Variants in RTTN observed in about 807,000 individuals in gnomAD.
The protein encoded by RTTN is rotatin.
In RTTN, 182 loss-of-function variants were observed where a neutral mutation model predicts 269.2. The ratio of observed to expected loss-of-function variants is 0.68; its 90% confidence interval spans 0.60 to 0.76. The LOEUF (loss-of-function observed/expected upper bound fraction) is 0.76. Ranked by LOEUF, RTTN falls within the 30% of genes least tolerant of loss-of-function variation. The pLI is 0.00. For missense variants in RTTN, 2,545 were observed against 2,608.6 expected (o/e 0.98, Z 0.53); for synonymous variants, 1,006 against 963.5 (o/e 1.04, Z -0.82).
At chr18:70,014,658 C>T (rs1346183785) in intron 46 of RTTN, among the ~76,000 whole-genome samples, 1 of 152,118 alleles carries the variant, frequency 6.6e-6, no homozygotes, top group Admixed American at 6.5e-5. Flanking sequence ...CTGTAGTACC[C>T]ATTCTCACAT....
intron 17 of RTTN, among the ~76,000 whole-genome samples, chr18:70,146,384 G>A (rs1412086458): frequency 6.6e-6 from 1 of 152,122 alleles, no homozygotes; most frequent in African/African-American, 2.4e-5. Flanking sequence ...ACTAAACAAT[G>A]AAATAGAGAA....
At chr18:70,054,820 A>G (rs2057771211) in intron 37 of RTTN, among the ~76,000 whole-genome samples, 1 of 152,164 alleles carries the variant, frequency 6.6e-6, no homozygotes, top group Admixed American at 6.5e-5. Context: ...CCCTGTTTCA[A>G]AAGAAAAAAA....
At chr18:70,202,028 C>G (rs2061966181) in intron 3 of RTTN, 45 bp from the exon 4 acceptor site, 1 of 1,106,268 alleles carries the variant, frequency 9.0e-7, no homozygotes, top group African/African-American at 1.6e-5. Flanking sequence ...TCCTTATTTG[C>G]TAAAAGTGAA....
At chr18:70,165,048 C>G (rs1187555719) in intron 14 of RTTN, among the ~76,000 whole-genome samples, 1 of 152,094 alleles carries the variant, frequency 6.6e-6, no homozygotes, top group African/African-American at 2.4e-5. Context: ...ATTTTATATG[C>G]AGCCAAATTA....
intron 4 of RTTN, among the ~76,000 whole-genome samples, chr18:70,199,796 T>C (rs2061903815): frequency 6.6e-6 from 1 of 152,254 alleles, no homozygotes; most frequent in African/African-American, 2.4e-5. Flanking sequence ...CATTAAATTT[T>C]CTATTTTACC....
intron 25 of RTTN, among the ~76,000 whole-genome samples, chr18:70,124,499 T>C (rs958981484): frequency 9.9e-5 from 15 of 151,540 alleles, no homozygotes; most frequent in African/African-American, 2.9e-4. Context: ...CAAGGAAGAG[T>C]AGATATTCAC....
In RTTN at chr18:70,092,191, C is replaced by T. The variant is rs377185620; in HGVS notation, c.4062G>A (p.Leu1354=). 7 of 1,612,354 alleles carry T rather than the reference C, an allele frequency of 4.3e-6. No individual in the cohort carries two copies. In the Middle Eastern group the frequency reaches 8.2e-4, roughly 190 times the overall value. ...LEWMSLWFLP[L]GSHSEEHIPT... is the part of the protein sequence containing the mutation. ...GAATATGTTCTTCACTATGACTACC[C>T]AAAGGCAAGAACCAAAGTGACATCC... Residue 1354 remains leucine, a synonymous_variant, in exon 30 of 49, where the codon TTG becomes TTA. Coordinates refer to ENST00000640769, the MANE Select transcript of RTTN (RefSeq NM_173630.4).
chr18:70,097,283 C>T (rs1459346068), intron 28 of RTTN, among the ~76,000 whole-genome samples: 3 of 152,162 alleles, frequency 2.0e-5, no homozygotes, highest in Non-Finnish European at 4.4e-5. Context: ...AGAAATATGG[C>T]TCCCTTCCAA....
intron 32 of RTTN, among the ~76,000 whole-genome samples, chr18:70,080,928 T>TCTCACACACA (rs1491280568): frequency 2.0e-5 from 3 of 146,798 alleles, no homozygotes; most frequent in African/African-American, 7.7e-5. Context: ...GTGTGTGGTA[T>TCTCACACACA]CACACACACA....
At chr18:70,106,287 G>A (rs2059319136) in intron 28 of RTTN, among the ~76,000 whole-genome samples, 1 of 152,194 alleles carries the variant, frequency 6.6e-6, no homozygotes, top group Non-Finnish European at 1.5e-5. Flanking sequence ...TGAGGCTGTA[G>A]TGAGCTGTGA....
chr18:70,196,512 G>A lies in RTTN; in HGVS notation c.830C>T (p.Ser277Phe). 6.2e-7 allele frequency: 1 copy of A among 1,609,528 alleles called. No homozygotes were observed. Among genetic ancestry groups the A allele is most frequent in the Non-Finnish European group, 8.5e-7 (1 of 1,178,836 alleles). ...LNFHRDPGFF[S>F]NKHDTVSQNS... The stretch of plus-strand genomic sequence containing the variant: ...ATAAAAATAAATACCGTGTTTATTG[G>A]AGAAAAAACCTGGATCTCGGTGAAA... Residue 277 changes from serine to phenylalanine, a missense_variant, in exon 7 of 49, where the codon TCC (serine) becomes TTC (phenylalanine). Ser to Phe is a radical substitution (Grantham distance 155). Coordinates refer to ENST00000640769, the MANE Select transcript of RTTN (RefSeq NM_173630.4).
intron 44 of RTTN, among the ~76,000 whole-genome samples, chr18:70,022,519 C>T (rs759129249): frequency 1.3e-5 from 2 of 152,194 alleles, no homozygotes; most frequent in Non-Finnish European, 2.9e-5. Context: ...TTTGACTCCA[C>T]ATCTGTCTCT....
intron 40 of RTTN, among the ~76,000 whole-genome samples, chr18:70,033,112 G>A (rs570030927): frequency 6.6e-6 from 1 of 152,142 alleles, no homozygotes; most frequent in African/African-American, 2.4e-5. Context: ...CAGAGTTCTC[G>A]TGAGATCTGG....
intron 34 of RTTN, among the ~76,000 whole-genome samples, chr18:70,069,690 T>G (rs2058244067): frequency 6.6e-6 from 1 of 152,192 alleles, no homozygotes; most frequent in Admixed American, 6.5e-5. Context: ...AATTCAGAAC[T>G]TGAATATTGT....
Position 70,142,336 on chromosome 18 carries a change from G to C in RTTN, c.2533C>G (p.Leu845Val). 1 of 1,604,618 alleles carries C rather than the reference G, an allele frequency of 6.2e-7. No homozygotes were observed. Among genetic ancestry groups the C allele is most frequent in the Non-Finnish European group, 8.5e-7 (1 of 1,176,936 alleles). ...YEIFTSDDVD[L>V]VLRKSAAEQL... ...TCAGCAGCTGACTTTCTCAAAACGA[G>C]ATCAACATCATCTGAGGTGAAGATT... The change falls in exon 19 of 49, where the codon CTC (leucine) becomes GTC (valine). Residue 845 changes from leucine (L) to valine (V), a missense_variant. Coordinates refer to ENST00000640769, the MANE Select transcript of RTTN (RefSeq NM_173630.4).
rs1172845431 is a variant in RTTN, at chr18:70,199,425, G to A, written c.567C>T (p.Ser189=). The A allele has an allele frequency of 1.2e-5, 19 of 1,608,772 alleles. No homozygotes were observed. Among genetic ancestry groups the A allele is most frequent in the Non-Finnish European group, 1.4e-5 (17 of 1,175,384 alleles). The change falls in exon 5 of 49, where the codon TCC becomes TCT. Residue 189 remains serine, a synonymous_variant. Coordinates refer to ENST00000640769, the MANE Select transcript of RTTN (RefSeq NM_173630.4). ...ATCAAGCACCGTACCTTTCATTAGA[G>A]GAGAGGACATGTCTGTCTGTGGTGG... ...PLTTTDRHVL[S]SNESSLRSSN...
chr18:70,024,977 G>A (rs2145555300), intron 43 of RTTN, 129 bp from the exon 44 acceptor site: 2 of 1,018,520 alleles, frequency 2.0e-6, no homozygotes, highest in Non-Finnish European at 2.8e-6. Flanking sequence ...TCAGCATCCT[G>A]CCCCAGCCCC....
rs780919672 is a variant in RTTN, at chr18:70,073,941, G to C, written c.4618C>G (p.Arg1540Gly). 1 of 1,611,598 alleles carries C rather than the reference G, an allele frequency of 6.2e-7. No individual in the cohort carries two copies. The highest frequency in any genetic ancestry group is 1.3e-5 in the African/African-American group (1 of 74,766). ...GAGGTGGAGAGAGAACTTGGATCTCGATCCTGACTTGTCCTAGATGGAGCC... is the reference window on the plus strand; with the variant it reads ...GAGGTGGAGAGAGAACTTGGATCTCCATCCTGACTTGTCCTAGATGGAGCC... ...WRAPSRTSQD[R>G]DPSSLSTSET... is the part of the protein sequence containing the mutation. Residue 1540 changes from arginine to glycine, a missense_variant, in exon 34 of 49, where the codon CGA becomes GGA. By Grantham distance (125) the Arg-to-Gly change is moderately radical (BLOSUM62 -2). Coordinates refer to ENST00000640769, the MANE Select transcript of RTTN (RefSeq NM_173630.4).
At position 70,004,018 on chromosome 18, in the gene RTTN, A is replaced by T; in HGVS notation, c.*133T>A. On this transcript the variant is annotated 3_prime_UTR_variant, in exon 49 of 49. Transcript: ENST00000640769. ...TGGAGTATCACCAGTTCTCTCTCTC[A>T]TGGGAAAGAAGGGGATCAACACTTT... 3.2e-6 allele frequency: 2 copies of T among 618,674 alleles called. No individual in the cohort carries two copies. Among genetic ancestry groups the T allele is most frequent in the Admixed American group, 2.7e-5 (1 of 37,490 alleles). 38.3% of individuals were successfully genotyped at this position (618,674 alleles called of 1,614,324 possible).
Sources: allele counts gnomAD v4.1 joint callset (sites outside exome capture counted in the v4.1 genomes callset), GRCh38; gene constraint gnomAD v4.1.1; transcripts MANE v1.5; gene names NCBI Gene and HGNC (gene_info 2026-07-23, HGNC 2026-07-21).